The following RASAL2 variants were observed in gnomAD, a reference collection of about 807,000 sequenced individuals.
RASAL2 encodes RAS protein activator like 2, also known as ras GTPase-activating protein nGAP.
A neutral mutation model predicts 128.9 loss-of-function variants in RASAL2; 58 were observed. The observed-to-expected ratio is 0.45, with a 90% CI of 0.36 to 0.56. The LOEUF (loss-of-function observed/expected upper bound fraction) is 0.56. Among genes scored for constraint, RASAL2 ranks in the 20% least tolerant of loss-of-function variants. RASAL2 has a pLI of 0.00. For missense variants in RASAL2, 1,360 were observed against 1,601.6 expected, an observed-to-expected ratio of 0.85 and a Z score of 2.57; for synonymous variants, 561 against 580.8, an observed-to-expected ratio of 0.97 and a Z score of 0.49.
intron 1 of RASAL2, among the ~76,000 whole-genome samples, chr1:178,253,494 G>A (rs1009304114): frequency 1.3e-5 from 2 of 152,036 alleles, no homozygotes; most frequent in Non-Finnish European, 2.9e-5. Context: ...AGTTTCACTC[G>A]TGTCAGTGTG....
chr1:178,396,196 A>G (rs970480505), intron 4 of RASAL2, among the ~76,000 whole-genome samples: 11 of 152,172 alleles, frequency 7.2e-5, no homozygotes, highest in Non-Finnish European at 1.6e-4. Context: ...GGTAATTCCT[A>G]GAAATGGGCT....
chr1:178,377,909 A>G (rs1672077019), intron 3 of RASAL2, among the ~76,000 whole-genome samples: 1 of 152,110 alleles, frequency 6.6e-6, no homozygotes. Context: ...CTACTAGAAG[A>G]GTAAAAATAG....
At chr1:178,228,363 C>T (rs368699762) in intron 1 of RASAL2, among the ~76,000 whole-genome samples, 18 of 152,068 alleles carry the variant, frequency 1.2e-4, no homozygotes, top group Non-Finnish European at 1.5e-4. Context: ...AGGTGGTTCA[C>T]GAGTTCAGGA....
intron 5 of RASAL2, among the ~76,000 whole-genome samples, chr1:178,423,645 C>T (rs1675305717): frequency 6.6e-6 from 1 of 152,028 alleles, no homozygotes; most frequent in Admixed American, 6.6e-5. Flanking sequence ...GAGGTTCAAA[C>T]CCAGGAAGAT....
chr1:178,450,981 G>A (rs1677336072), intron 9 of RASAL2, among the ~76,000 whole-genome samples: 1 of 152,128 alleles, frequency 6.6e-6, no homozygotes, highest in Admixed American at 6.5e-5. Context: ...ATAGAGCATA[G>A]GCCGTATGAA....
At chr1:178,127,165 A>T (rs1187687592) in intron 1 of RASAL2, among the ~76,000 whole-genome samples, 1 of 152,140 alleles carries the variant, frequency 6.6e-6, no homozygotes, top group Non-Finnish European at 1.5e-5. Context: ...TGGCTTGAAG[A>T]TAGAGACTTA....
chr1:178,292,035 CAAAA>C (rs34317624), intron 2 of RASAL2, among the ~76,000 whole-genome samples: 2 of 59,108 alleles, frequency 3.4e-5, no homozygotes, highest in Non-Finnish European at 3.7e-5. Context: ...GACTTTGTCT[CAAAA>C]AAAAAAAAAA....
At chr1:178,162,586 T>C (rs1316664507) in intron 1 of RASAL2, among the ~76,000 whole-genome samples, 1 of 138,066 alleles carries the variant, frequency 7.2e-6, no homozygotes, top group Non-Finnish European at 1.5e-5. Context: ...ATATAATATA[T>C]ATTTTATATA....
chr1:178,246,521 A>G (rs1486528270), intron 1 of RASAL2, among the ~76,000 whole-genome samples: 2 of 152,162 alleles, frequency 1.3e-5, no homozygotes, highest in African/African-American at 4.8e-5. Flanking sequence ...AAACAGAGAC[A>G]ATTTGACTTC....
intron 5 of RASAL2, among the ~76,000 whole-genome samples, chr1:178,430,907 T>TACACACACACAC (rs71297897): frequency 7.2e-4 from 97 of 134,060 alleles, no homozygotes; most frequent in African/African-American, 2.3e-3. Context: ...GGCAAAAAAG[T>TACACACACACAC]ACACACACAC....
chr1:178,223,479 T>G (rs141819982), intron 1 of RASAL2, among the ~76,000 whole-genome samples: 1,612 of 151,930 alleles, frequency 0.011, 14 homozygotes, highest in Non-Finnish European at 0.015. Context: ...GGAAGGAGAG[T>G]GACAGGTGTG....
At chr1:178,413,136 G>A (rs1457623795) in intron 4 of RASAL2, among the ~76,000 whole-genome samples, 1 of 151,820 alleles carries the variant, frequency 6.6e-6, no homozygotes, top group Non-Finnish European at 1.5e-5. Context: ...ATTTTTGTAT[G>A]TTTTGTAGAG....
At chr1:178,430,355 A>G (rs1675806017) in intron 5 of RASAL2, among the ~76,000 whole-genome samples, 1 of 152,120 alleles carries the variant, frequency 6.6e-6, no homozygotes, top group Non-Finnish European at 1.5e-5. Flanking sequence ...CTAAAACCCA[A>G]TTGAAGTATC....
At chr1:178,330,956 T>C (rs909777477) in intron 3 of RASAL2, among the ~76,000 whole-genome samples, 1 of 152,222 alleles carries the variant, frequency 6.6e-6, no homozygotes, top group African/African-American at 2.4e-5. Context: ...ACTTTGCAAA[T>C]ATTTATTCAC....
chr1:178,370,415 C>T (rs78215601), intron 3 of RASAL2, among the ~76,000 whole-genome samples: 108 of 152,290 alleles, frequency 7.1e-4, no homozygotes, highest in Non-Finnish European at 1.1e-3. Flanking sequence ...AGATATTAAG[C>T]ATGCATAGCC....
chr1:178,426,966 G>A lies in RASAL2; in HGVS notation c.674+6346G>A, dbSNP rs1263105430. 3.9e-5 allele frequency among the ~76,000 whole-genome samples: 6 copies of A among 152,094 alleles called. No individual in the cohort carries two copies. The East Asian group carries it at 1.2e-3, about 29-fold the overall frequency. On this transcript the variant is annotated intron_variant, in intron 5 of 17. Transcript: ENST00000367649. Reference sequence around the variant, plus strand: ...AGTCTGAGAGACCAGTTAACAAAAAGCTGTAAGAAGATATAATGAGGGCTC... The same window carrying A: ...AGTCTGAGAGACCAGTTAACAAAAAACTGTAAGAAGATATAATGAGGGCTC...
intron 1 of RASAL2, among the ~76,000 whole-genome samples, chr1:178,168,850 A>G (rs776321014): frequency 2.0e-5 from 3 of 152,086 alleles, no homozygotes; most frequent in South Asian, 2.1e-4. Flanking sequence ...TGCAGCTCCT[A>G]TGTATACACC....
chr1:178,171,203 G>T (rs1300030795), intron 1 of RASAL2, among the ~76,000 whole-genome samples: 1 of 151,840 alleles, frequency 6.6e-6, no homozygotes, highest in East Asian at 1.9e-4. Context: ...AAAAGAAGAG[G>T]AATGAAACAT....
chr1:178,251,389 G>T (rs371931481), intron 1 of RASAL2, among the ~76,000 whole-genome samples: 31 of 152,150 alleles, frequency 2.0e-4, no homozygotes, highest in African/African-American at 6.8e-4. Context: ...TGATGCTTCC[G>T]TTAGAACACT....
Sources: allele counts gnomAD v4.1 joint callset (sites outside exome capture counted in the v4.1 genomes callset), GRCh38; gene constraint gnomAD v4.1.1; transcripts MANE v1.5; gene names NCBI Gene and HGNC (gene_info 2026-07-23, HGNC 2026-07-21).